The following TRPM3 variants were observed in gnomAD, a reference collection of about 807,000 sequenced individuals.
TRPM3 encodes the protein transient receptor potential cation channel subfamily M member 3, also known as long transient receptor potential channel 3.
In TRPM3, 77 loss-of-function variants were observed where a neutral mutation model predicts 181.2. The ratio of observed to expected loss-of-function variants is 0.42; its 90% CI spans 0.35 to 0.51. TRPM3 has a LOEUF of 0.51. Among genes scored for constraint, TRPM3 ranks in the 20% least tolerant of loss-of-function variants. TRPM3 has a pLI of 0.01. For synonymous variants in TRPM3, 745 were observed against 796.4 expected (o/e 0.94, Z 1.09); for missense variants, 1,759 against 2,196.7 (o/e 0.80, Z 3.98).
At chr9:70,655,305 C>CAAAAAAAAAAAAAAAAAAAAAAAA (rs1169901529) in intron 9 of TRPM3, among the ~76,000 whole-genome samples, 2 of 33,184 alleles carry the variant, frequency 6.0e-5, no homozygotes, top group Non-Finnish European at 1.2e-4. Flanking sequence ...GACTCCGTCT[C>CAAAAAAAAAAAAAAAAAAAAAAAA]AAAAAAAAAA....
At chr9:70,841,624 C>CTATATATATATATATATA (rs72421594) in intron 5 of TRPM3, among the ~76,000 whole-genome samples, 7 of 72,904 alleles carry the variant, frequency 9.6e-5, no homozygotes, top group East Asian at 3.6e-4. Context: ...CTATATCCCA[C>CTATATATATATATATATA]TATATATATA....
chr9:70,754,910 A>G (rs924419752), intron 8 of TRPM3, among the ~76,000 whole-genome samples: 1 of 152,090 alleles, frequency 6.6e-6, no homozygotes, highest in Admixed American at 6.5e-5. Context: ...CTGGCTCTGT[A>G]CATCTCCCCA....
At chr9:70,578,353 G>A (rs1034878592) in intron 22 of TRPM3, among the ~76,000 whole-genome samples, 2 of 151,632 alleles carry the variant, frequency 1.3e-5, no homozygotes, top group Non-Finnish European at 2.9e-5. Context: ...AACTTGAGAA[G>A]GGAGGTGTTG....
chr9:70,814,208 G>A (rs1324777590), intron 6 of TRPM3, among the ~76,000 whole-genome samples: 3 of 152,172 alleles, frequency 2.0e-5, no homozygotes, highest in African/African-American at 7.2e-5. Context: ...GTGGGGTGGA[G>A]TACAGAGAGA....
chr9:71,285,342 T>C (rs1344669552), intron 1 of TRPM3, among the ~76,000 whole-genome samples: 4 of 152,252 alleles, frequency 2.6e-5, no homozygotes, highest in Non-Finnish European at 5.9e-5. Flanking sequence ...GGGTCGTAGC[T>C]GCACTATGTA....
chr9:71,409,499 A>C (rs1364105298), intron 1 of TRPM3, among the ~76,000 whole-genome samples: 2 of 152,200 alleles, frequency 1.3e-5, no homozygotes, highest in Non-Finnish European at 2.9e-5. Context: ...AACAAAGATC[A>C]AAGGAGGCAA....
intron 6 of TRPM3, among the ~76,000 whole-genome samples, chr9:70,813,947 A>T (rs1025633543): frequency 9.9e-5 from 15 of 152,204 alleles, no homozygotes; most frequent in Admixed American, 9.2e-4. Flanking sequence ...TGTAAGACTA[A>T]GCTCTTCAAG....
intron 1 of TRPM3, among the ~76,000 whole-genome samples, chr9:70,940,702 G>C (rs1223898866): frequency 6.6e-6 from 1 of 152,230 alleles, no homozygotes; most frequent in African/African-American, 2.4e-5. Flanking sequence ...TCTCTGAGGA[G>C]ATGGCATTGG....
chr9:71,125,366 G>GC (rs955174382), upstream of TRPM3, among the ~76,000 whole-genome samples: 20 of 151,974 alleles, frequency 1.3e-4, no homozygotes, highest in Admixed American at 2.6e-4. Context: ...CCTGCAACAG[G>GC]CCCCCGTATG....
At chr9:71,173,024 G>A (rs1048150464) in intron 1 of TRPM3, among the ~76,000 whole-genome samples, 2 of 152,114 alleles carry the variant, frequency 1.3e-5, no homozygotes, top group Non-Finnish European at 2.9e-5. Context: ...AACACTAGAA[G>A]GGTTTTTTCC....
intron 1 of TRPM3, among the ~76,000 whole-genome samples, chr9:71,035,303 T>G (rs902207408): frequency 2.0e-5 from 3 of 152,130 alleles, no homozygotes; most frequent in African/African-American, 7.2e-5. Context: ...TCCCAGAAAT[T>G]CTCCTAATAA....
chr9:70,954,378 G>A (rs2097042216), intron 1 of TRPM3, among the ~76,000 whole-genome samples: 2 of 152,130 alleles, frequency 1.3e-5, no homozygotes, highest in African/African-American at 2.4e-5. Flanking sequence ...GTAGAGGAAT[G>A]TGAGAAGGAA....
intron 22 of TRPM3, among the ~76,000 whole-genome samples, chr9:70,556,899 C>T (rs1320008029): frequency 6.6e-6 from 1 of 152,148 alleles, no homozygotes; most frequent in Non-Finnish European, 1.5e-5. Context: ...GTATGTAGTT[C>T]AGTATCTAGC....
intron 1 of TRPM3, among the ~76,000 whole-genome samples, chr9:70,931,232 T>A (rs969593672): frequency 1.3e-5 from 2 of 152,108 alleles, no homozygotes; most frequent in Non-Finnish European, 2.9e-5. Context: ...AATCATAAGT[T>A]TTAAGAATAA....
intron 25 of TRPM3, among the ~76,000 whole-genome samples, chr9:70,547,555 C>A (rs1376574713): frequency 1.4e-5 from 2 of 142,074 alleles, no homozygotes; most frequent in Non-Finnish European, 3.1e-5. Flanking sequence ...AAAAAAAAAC[C>A]CAACAACAAT....
intron 1 of TRPM3, among the ~76,000 whole-genome samples, chr9:70,879,264 G>C (rs1052897775): frequency 6.6e-6 from 1 of 152,042 alleles, no homozygotes; most frequent in Non-Finnish European, 1.5e-5. Flanking sequence ...ATCTGAGCTG[G>C]GCCTGGCACA....
intron 6 of TRPM3, among the ~76,000 whole-genome samples, chr9:70,806,654 C>G (rs2090756355): frequency 6.6e-6 from 1 of 151,614 alleles, no homozygotes; most frequent in South Asian, 2.1e-4. Context: ...CATGCCACTG[C>G]ACTCCAGCCT....
chr9:70,875,117 G>A (rs1281727907), intron 1 of TRPM3, among the ~76,000 whole-genome samples: 1 of 151,834 alleles, frequency 6.6e-6, no homozygotes, highest in African/African-American at 2.4e-5. Context: ...CAAAGCAATA[G>A]TAAGGTAGAA....
intron 1 of TRPM3, among the ~76,000 whole-genome samples, chr9:70,933,311 G>A (rs2096793355): frequency 6.6e-6 from 1 of 152,184 alleles, no homozygotes; most frequent in Admixed American, 6.6e-5. Context: ...GGGTATAGAT[G>A]TGATTACCCA....
Sources: gnomAD v4.1 joint callset for allele counts (sites outside exome capture counted in the v4.1 genomes callset) on GRCh38, gnomAD v4.1.1 for gene constraint, MANE v1.5 for transcripts, NCBI Gene and HGNC (gene_info 2026-07-23, HGNC 2026-07-21) for gene names.